Variants in F13A1 observed in about 807,000 individuals in gnomAD.
F13A1 encodes FSF, A subunit.
F13A1 carries 47 observed loss-of-function variants against 80.1 expected under a neutral mutation model. The observed-to-expected ratio is 0.59, with a 90% CI of 0.46 to 0.75. The LOEUF (loss-of-function observed/expected upper bound fraction) is 0.75. F13A1 is among the 30% of genes least tolerant of loss of function. The pLI, the probability that F13A1 is intolerant of heterozygous loss-of-function variation, is 0.00. For missense variants in F13A1, 817 were observed against 930.4 expected (o/e 0.88, Z 1.59); for synonymous variants, 349 against 344.9 (o/e 1.01, Z -0.13).
chr6:6,190,588 T>A (rs1042892882), intron 10 of F13A1, among the ~76,000 whole-genome samples: 10 of 151,808 alleles, frequency 6.6e-5, no homozygotes, highest in Non-Finnish European at 1.5e-4. Flanking sequence ...CCTTCTCAGA[T>A]CTCCAGCTGC....
chr6:6,183,918 G>A (rs746606035), intron 10 of F13A1, among the ~76,000 whole-genome samples: 14 of 152,310 alleles, frequency 9.2e-5, no homozygotes, highest in Middle Eastern at 3.4e-3. Context: ...TAAGATCTAT[G>A]TGAACATGAC....
intron 8 of F13A1, 56 bp from the exon 9 acceptor site, chr6:6,197,382 GA>G (rs1761310530): frequency 9.1e-6 from 14 of 1,544,406 alleles, no homozygotes; most frequent in Middle Eastern, 1.9e-4. Flanking sequence ...AATGCTCCAA[GA>G]GATCAAGAAG....
intron 12 of F13A1, among the ~76,000 whole-genome samples, chr6:6,171,528 C>T (rs1294413200): frequency 6.6e-6 from 1 of 152,072 alleles, no homozygotes; most frequent in Non-Finnish European, 1.5e-5. Context: ...GTTCTCGCTG[C>T]TTCCATCACT....
intron 13 of F13A1, among the ~76,000 whole-genome samples, chr6:6,157,729 G>A (rs937070991): frequency 6.6e-6 from 1 of 152,140 alleles, no homozygotes; most frequent in African/African-American, 2.4e-5. Flanking sequence ...AATGAGAGAT[G>A]CCACTTTTAA....
chr6:6,225,379 T>A (rs917987774), intron 6 of F13A1, among the ~76,000 whole-genome samples: 5 of 152,238 alleles, frequency 3.3e-5, no homozygotes, highest in African/African-American at 1.2e-4. Flanking sequence ...TTTTGAGTGG[T>A]AGACTCTAAT....
chr6:6,150,977 G>C (rs1760363104), intron 14 of F13A1, among the ~76,000 whole-genome samples: 1 of 152,310 alleles, frequency 6.6e-6, no homozygotes. Context: ...CAAACCATCA[G>C]ATGGAAAAGA....
rs1001752945 is a variant in F13A1, at chr6:6,174,805, T to C, written c.1522A>G (p.Asn508Asp). The C allele has an allele frequency of 1.9e-6, 3 of 1,614,048 alleles. No homozygotes were observed. In the African/African-American group the frequency reaches 4.0e-5, roughly 22 times the overall value. Residue 508 changes from asparagine (N) to aspartate (D), a missense_variant, in exon 12 of 15, where the codon AAC (asparagine) becomes GAC (aspartate). By Grantham distance (23) the Asn-to-Asp change is conservative (BLOSUM62 1). Transcript: ENST00000264870. ...ALMYGAKKPLNTEGVMKSRSN... is the reference protein window; with the variant it reads ...ALMYGAKKPLDTEGVMKSRSN... ...CTTGATTTCATGACACCTTCTGTGT[T>C]GAGGGGCTTTTTAGCTCCGTACATC... is the stretch of plus-strand genomic sequence containing the variant.
At chr6:6,311,196 GCCT>G (rs1407600755) in intron 2 of F13A1, among the ~76,000 whole-genome samples, 3 of 152,120 alleles carry the variant, frequency 2.0e-5, no homozygotes, top group Non-Finnish European at 4.4e-5. Flanking sequence ...CAGCAAATAT[GCCT>G]CCTTTCACCT....
rs552563812 is a variant in F13A1, at chr6:6,301,322, G to A, written c.319+4029C>T. 2.0e-4 allele frequency among the ~76,000 whole-genome samples: 31 copies of A among 152,242 alleles called. No individual in the cohort carries two copies. The South Asian group carries it at 2.3e-3, about 11-fold the overall frequency. On this transcript the variant is annotated intron_variant, in intron 3 of 14. Transcript: ENST00000264870. Reference sequence around the variant, plus strand: ...AATCCTCTACCATGGGTCCTTCCACGCCCCTCGAAGTGTGCTTAATTTCTA... The same window carrying A: ...AATCCTCTACCATGGGTCCTTCCACACCCCTCGAAGTGTGCTTAATTTCTA...
At chr6:6,154,915 G>C (rs1274902264) in intron 13 of F13A1, among the ~76,000 whole-genome samples, 1 of 152,096 alleles carries the variant, frequency 6.6e-6, no homozygotes, top group African/African-American at 2.4e-5. Flanking sequence ...TATTCTTTCT[G>C]GAAAAAATAT....
rs141677321 is a variant in F13A1, at chr6:6,217,789, G to T, written c.1112+4244C>A. Among the ~76,000 whole-genome samples the T allele has an allele frequency of 6.3e-3, 966 of 152,320 alleles. 8 individuals are homozygous for T. Among genetic ancestry groups the T allele is most frequent in the Middle Eastern group, 0.054 (16 of 294 alleles). ...CATATGAGTACTGAGGACATAATGA[G>T]AATTAGGATTATACACTGATTAGGG... On this transcript the variant is annotated intron_variant, in intron 8 of 14. Coordinates refer to ENST00000264870, the MANE Select transcript of F13A1 (RefSeq NM_000129.4).
At chr6:6,215,224 CAA>C in intron 8 of F13A1, among the ~76,000 whole-genome samples, 1 of 129,506 alleles carries the variant, frequency 7.7e-6, no homozygotes, top group East Asian at 2.2e-4. Flanking sequence ...AGAGACACAA[CAA>C]AAAAAGAGAA....
chr6:6,206,291 G>A (rs777551868), intron 8 of F13A1: 72 of 356,840 alleles, frequency 2.0e-4, no homozygotes, highest in African/African-American at 5.6e-4. Flanking sequence ...TAGCCTAGGC[G>A]GTGCATACTT....
intron 8 of F13A1, among the ~76,000 whole-genome samples, chr6:6,216,163 T>C (rs1434361551): frequency 4.6e-5 from 7 of 152,090 alleles, no homozygotes; most frequent in African/African-American, 7.2e-5. Context: ...CTTCACAGAA[T>C]TGGAAAAAAC....
At chr6:6,160,659 C>A (rs1322642566) in intron 13 of F13A1, among the ~76,000 whole-genome samples, 2 of 152,098 alleles carry the variant, frequency 1.3e-5, no homozygotes, top group Non-Finnish European at 1.5e-5. Flanking sequence ...GTTTTGAAAG[C>A]TCTAGGCATT....
chr6:6,238,623 C>A (rs1401310953), intron 6 of F13A1, among the ~76,000 whole-genome samples: 4 of 151,244 alleles, frequency 2.6e-5, no homozygotes, highest in East Asian at 1.9e-4. Context: ...ACATATCTGA[C>A]AAATGAGAGG....
intron 3 of F13A1, among the ~76,000 whole-genome samples, chr6:6,296,870 A>G (rs1758336633): frequency 1.3e-5 from 2 of 148,654 alleles, no homozygotes; most frequent in African/African-American, 5.2e-5. Context: ...TCAGTATGAT[A>G]TTGGCTGTGG....
chr6:6,209,742 A>G (rs918268678), intron 8 of F13A1, among the ~76,000 whole-genome samples: 1 of 152,244 alleles, frequency 6.6e-6, no homozygotes, highest in Admixed American at 6.5e-5. Flanking sequence ...AGGAAGCCAG[A>G]CACAAAAGGT....
At chr6:6,198,109 A>T in intron 8 of F13A1, among the ~76,000 whole-genome samples, 1 of 152,246 alleles carries the variant, frequency 6.6e-6, no homozygotes, top group Admixed American at 6.5e-5. Flanking sequence ...TTACTGTAGA[A>T]ACTACAACAA....
Sources: gnomAD v4.1 joint callset for allele counts (sites outside exome capture counted in the v4.1 genomes callset) on GRCh38, gnomAD v4.1.1 for gene constraint, MANE v1.5 for transcripts, NCBI Gene and HGNC (gene_info 2026-07-23, HGNC 2026-07-21) for gene names.